Variants in SOX5 observed in about 807,000 individuals in gnomAD.
The protein encoded by SOX5 is transcription factor SOX-5.
Under a neutral mutation model 92.0 loss-of-function variants are expected in SOX5, and 9 were observed. The observed-to-expected ratio is 0.10, with a 90% CI of 0.06 to 0.17. The LOEUF is 0.17. SOX5 is among the 10% of genes least tolerant of loss of function. SOX5 has a pLI of 1.00. For missense variants in SOX5, 642 were observed against 944.5 expected (o/e 0.68, Z 4.20); for synonymous variants, 344 against 336.3 (o/e 1.02, Z -0.25).
intron 3 of SOX5, among the ~76,000 whole-genome samples, chr12:24,265,673 GAGA>G (rs1223329708): frequency 1.3e-5 from 2 of 152,178 alleles, no homozygotes; most frequent in East Asian, 1.9e-4. Flanking sequence ...ACATACAATT[GAGA>G]AGAATAAATT....
At chr12:24,507,288 A>G (rs1021946292) in intron 1 of SOX5, among the ~76,000 whole-genome samples, 10 of 152,002 alleles carry the variant, frequency 6.6e-5, no homozygotes, top group Middle Eastern at 3.2e-3. Flanking sequence ...AATTAGGTAT[A>G]TAAGTAGATA....
At chr12:23,991,765 C>A (rs1220189147) in intron 4 of SOX5, among the ~76,000 whole-genome samples, 4 of 146,002 alleles carry the variant, frequency 2.7e-5, no homozygotes, top group African/African-American at 1.0e-4. Flanking sequence ...TTTTTTTTTA[C>A]TTTATACATA....
chr12:24,258,022 A>T (rs1181273188), intron 3 of SOX5, among the ~76,000 whole-genome samples: 1 of 152,076 alleles, frequency 6.6e-6, no homozygotes, highest in Non-Finnish European at 1.5e-5. Context: ...AAATAAAAAA[A>T]ATTAGCTGGG....
At chr12:23,730,188 G>A (rs554426025) in intron 6 of SOX5, among the ~76,000 whole-genome samples, 3 of 152,064 alleles carry the variant, frequency 2.0e-5, no homozygotes, top group South Asian at 2.1e-4. Context: ...AAAAGATGGG[G>A]ACTGTAGAAT....
At chr12:24,268,708 T>C (rs1470791754) in intron 3 of SOX5, among the ~76,000 whole-genome samples, 2 of 152,212 alleles carry the variant, frequency 1.3e-5, no homozygotes, top group Non-Finnish European at 2.9e-5. Flanking sequence ...GGAGCCTTTA[T>C]TTGTGAAACC....
chr12:24,028,949 CAAAT>C (rs1955186626), intron 4 of SOX5, among the ~76,000 whole-genome samples: 1 of 151,958 alleles, frequency 6.6e-6, no homozygotes, highest in Non-Finnish European at 1.5e-5. Context: ...TTTAAGTCAA[CAAAT>C]AAGTTGGCGC....
chr12:24,221,607 T>C (rs1277748517), intron 3 of SOX5, among the ~76,000 whole-genome samples: 3 of 152,206 alleles, frequency 2.0e-5, no homozygotes, highest in Non-Finnish European at 4.4e-5. Context: ...ACTGAGCACC[T>C]ACTACCTGCC....
intron 7 of SOX5, among the ~76,000 whole-genome samples, chr12:23,645,088 T>G (rs1314240330): frequency 6.6e-6 from 1 of 152,224 alleles, no homozygotes; most frequent in African/African-American, 2.4e-5. Flanking sequence ...TGGTCTGTAT[T>G]TACTGCATTT....
chr12:24,133,431 G>A (rs1437685027), intron 4 of SOX5, among the ~76,000 whole-genome samples: 1 of 152,206 alleles, frequency 6.6e-6, no homozygotes, highest in Non-Finnish European at 1.5e-5. Context: ...TAATCAGATA[G>A]GGTGAGGAAC....
chr12:24,165,745 G>T (rs1953325920), intron 4 of SOX5, among the ~76,000 whole-genome samples: 1 of 152,130 alleles, frequency 6.6e-6, no homozygotes, highest in African/African-American at 2.4e-5. Flanking sequence ...CGGTGGGGAA[G>T]AGGGGAAGAG....
intron 3 of SOX5, among the ~76,000 whole-genome samples, chr12:23,760,216 A>G (rs1486848105): frequency 6.6e-6 from 1 of 152,110 alleles, no homozygotes; most frequent in Non-Finnish European, 1.5e-5. Context: ...TGTCAGTGGC[A>G]TATATAATTG....
At chr12:23,638,736 T>C (rs2079609128) in intron 8 of SOX5, among the ~76,000 whole-genome samples, 1 of 152,022 alleles carries the variant, frequency 6.6e-6, no homozygotes, top group Non-Finnish European at 1.5e-5. Context: ...AAGGGGTCTG[T>C]GAATATTGTG....
intron 1 of SOX5, among the ~76,000 whole-genome samples, chr12:24,559,566 T>C (rs1954136090): frequency 6.6e-6 from 1 of 152,088 alleles, no homozygotes; most frequent in Non-Finnish European, 1.5e-5. Flanking sequence ...AAGCATTAGA[T>C]CATATTTTAA....
At chr12:23,747,451 G>A (rs2094026410) in intron 4 of SOX5, among the ~76,000 whole-genome samples, 1 of 152,098 alleles carries the variant, frequency 6.6e-6, no homozygotes, top group Admixed American at 6.6e-5. Flanking sequence ...GGAATAAAAT[G>A]CAAACTCCTA....
At chr12:24,176,386 G>T (rs1281771907) in intron 4 of SOX5, among the ~76,000 whole-genome samples, 8 of 152,110 alleles carry the variant, frequency 5.3e-5, no homozygotes, top group South Asian at 2.1e-4. Context: ...ATGTCGGGGT[G>T]GGGGAGTACA....
chr12:24,542,385 ATGTATCCTTACAGCTGCC>A (rs1952216076), intron 1 of SOX5, among the ~76,000 whole-genome samples: 1 of 152,216 alleles, frequency 6.6e-6, no homozygotes, highest in African/African-American at 2.4e-5. Context: ...AGGCTACTCT[ATGTATCCTTACAGCTGCC>A]TGTACTTTTC....
chr12:24,159,723 G>A (rs1952557718), intron 4 of SOX5, among the ~76,000 whole-genome samples: 1 of 151,964 alleles, frequency 6.6e-6, no homozygotes, highest in African/African-American at 2.4e-5. Context: ...TCTGGGATCA[G>A]TATCATTCAA....
chr12:23,697,061 C>G (rs997501765), intron 6 of SOX5, among the ~76,000 whole-genome samples: 2 of 152,082 alleles, frequency 1.3e-5, no homozygotes, highest in African/African-American at 4.8e-5. Flanking sequence ...AATTATTCTT[C>G]TGTTGTTGGG....
chr12:24,551,028 T>A (rs889777814), intron 1 of SOX5, among the ~76,000 whole-genome samples: 7 of 152,204 alleles, frequency 4.6e-5, no homozygotes, highest in Admixed American at 2.6e-4. Context: ...TTGCAGTCAT[T>A]ACCTTAGCAA....
Sources: allele counts gnomAD v4.1 joint callset (sites outside exome capture counted in the v4.1 genomes callset), GRCh38; gene constraint gnomAD v4.1.1; transcripts MANE v1.5; gene names NCBI Gene and HGNC (gene_info 2026-07-23, HGNC 2026-07-21).